Variants in FTO observed in about 807,000 individuals in gnomAD.
FTO encodes FTO alpha-ketoglutarate dependent dioxygenase.
FTO carries 47 observed loss-of-function variants against 63.9 expected under a neutral mutation model. The ratio of observed to expected loss-of-function variants is 0.74; its 90% CI spans 0.58 to 0.94. The LOEUF (loss-of-function observed/expected upper bound fraction) is 0.94, where lower values mean the gene tolerates loss of function less well. Ranked by LOEUF, FTO falls within the 40% of genes least tolerant of loss-of-function variation. The pLI, the probability that FTO is intolerant of heterozygous loss-of-function variation, is 0.00. For synonymous variants in FTO, 207 were observed against 224.4 expected (o/e 0.92, Z 0.69); for missense variants, 562 against 618.1 (o/e 0.91, Z 0.96).
chr16:54,090,945 C>G (rs1168372696), intron 8 of FTO, among the ~76,000 whole-genome samples: 2 of 152,200 alleles, frequency 1.3e-5, no homozygotes, highest in Non-Finnish European at 2.9e-5. Flanking sequence ...GTGGGCTCTC[C>G]AGCAGGGCAG....
intron 8 of FTO, among the ~76,000 whole-genome samples, chr16:54,007,536 T>G (rs1479948057): frequency 1.3e-5 from 2 of 152,216 alleles, no homozygotes; most frequent in Non-Finnish European, 2.9e-5. Context: ...TATAAAGGTA[T>G]GTAAAATTAT....
At position 54,116,477 on chromosome 16, in the gene FTO, A is replaced by G. The variant is rs1478377937; in HGVS notation, c.*4562A>G. ...TTTGCCTTTGTTACTCTGTGATTAAATGGTATTTTTAATTAAGTTTCATTG... is the reference window on the plus strand; with the variant it reads ...TTTGCCTTTGTTACTCTGTGATTAAGTGGTATTTTTAATTAAGTTTCATTG... On this transcript the variant is annotated 3_prime_UTR_variant, in exon 9 of 9. Transcript: ENST00000471389. The G allele has an allele frequency of 2.0e-5, 3 of 152,154 alleles. No individual in the cohort carries two copies. The highest frequency in any genetic ancestry group is 7.2e-5 in the African/African-American group (3 of 41,452). 9.4% of individuals were successfully genotyped at this position (152,154 alleles called of 1,614,324 possible).
At chr16:53,730,472 T>G (rs1403949554) in intron 1 of FTO, among the ~76,000 whole-genome samples, 1 of 152,068 alleles carries the variant, frequency 6.6e-6, no homozygotes. Context: ...TGTCATGATT[T>G]TTTTTGTAGT....
chr16:53,805,226 A>G (rs1234799203), intron 1 of FTO, among the ~76,000 whole-genome samples: 1 of 152,186 alleles, frequency 6.6e-6, no homozygotes, highest in African/African-American at 2.4e-5. Flanking sequence ...AGTGGGATGA[A>G]AAATACACTT....
intron 8 of FTO, among the ~76,000 whole-genome samples, chr16:53,966,024 C>T (rs1161729698): frequency 1.3e-5 from 2 of 152,180 alleles, no homozygotes; most frequent in Non-Finnish European, 2.9e-5. Context: ...TACGCCACCA[C>T]GCCTAACTAA....
chr16:54,052,369 A>G (rs531968949), intron 8 of FTO, among the ~76,000 whole-genome samples: 2 of 152,290 alleles, frequency 1.3e-5, no homozygotes, highest in South Asian at 4.1e-4. Context: ...TTAAATTTGT[A>G]TGGTTTTCTT....
chr16:54,009,332 C>A (rs1463053272), intron 8 of FTO, among the ~76,000 whole-genome samples: 1 of 152,114 alleles, frequency 6.6e-6, no homozygotes, highest in Non-Finnish European at 1.5e-5. Context: ...AACTTCTCTG[C>A]AAGTTTAAAA....
At chr16:54,031,314 G>C (rs1160562479) in intron 8 of FTO, among the ~76,000 whole-genome samples, 1 of 152,200 alleles carries the variant, frequency 6.6e-6, no homozygotes, top group Non-Finnish European at 1.5e-5. Flanking sequence ...CACTGAAACA[G>C]TGGTGTTGCG....
chr16:53,875,657 C>T (rs1254777379), intron 5 of FTO, among the ~76,000 whole-genome samples: 1 of 152,214 alleles, frequency 6.6e-6, no homozygotes, highest in Non-Finnish European at 1.5e-5. Flanking sequence ...AAATCATCAG[C>T]AAGTTTTGAT....
chr16:54,112,104 A>G lies in FTO; in HGVS notation c.*189A>G. 1.6e-6 allele frequency: 1 copy of G among 640,292 alleles called. No homozygotes were observed. Among genetic ancestry groups the G allele is most frequent in the Non-Finnish European group, 2.7e-6 (1 of 366,736 alleles). 39.7% of individuals were successfully genotyped at this position (640,292 alleles called of 1,614,324 possible). A position where few individuals can be genotyped will look rare whatever the true frequency, so the allele number is the denominator to read the frequency against. ...ATGTTTTAAAATGACCCTGTGTTAT[A>G]GTCTGATTTGGTGTTAAACAGGACC... On this transcript the variant is annotated 3_prime_UTR_variant, in exon 9 of 9. Coordinates refer to ENST00000471389, the MANE Select transcript of FTO (RefSeq NM_001080432.3).
At chr16:53,859,642 T>C (rs2080113446) in intron 4 of FTO, among the ~76,000 whole-genome samples, 1 of 151,844 alleles carries the variant, frequency 6.6e-6, no homozygotes, top group Non-Finnish European at 1.5e-5. Context: ...TGAATAGACA[T>C]TTCTGAAAAG....
At chr16:53,735,777 A>G (rs756724259) in intron 1 of FTO, among the ~76,000 whole-genome samples, 2 of 152,180 alleles carry the variant, frequency 1.3e-5, no homozygotes, top group Non-Finnish European at 2.9e-5. Flanking sequence ...TATCTTTGAA[A>G]TACTCTACCA....
intron 8 of FTO, among the ~76,000 whole-genome samples, chr16:54,095,440 C>T (rs75537751): frequency 6.8e-6 from 1 of 146,984 alleles, no homozygotes; most frequent in African/African-American, 2.5e-5. Flanking sequence ...TCTATTCACT[C>T]TTTTTTTTTT....
At chr16:53,983,605 AACAC>A (rs61573789) in intron 8 of FTO, among the ~76,000 whole-genome samples, 3 of 150,704 alleles carry the variant, frequency 2.0e-5, no homozygotes, top group Non-Finnish European at 4.4e-5. Flanking sequence ...CGAATTCACA[AACAC>A]ACACACACAC....
intron 8 of FTO, among the ~76,000 whole-genome samples, chr16:53,951,100 A>G (rs1250879885): frequency 1.3e-5 from 2 of 152,208 alleles, no homozygotes; most frequent in African/African-American, 4.8e-5. Flanking sequence ...ATCTTTTCTT[A>G]TACCAAATGT....
intron 8 of FTO, chr16:54,040,137 T>C (rs1409686566): frequency 6.6e-6 from 1 of 152,248 alleles, no homozygotes; most frequent in African/African-American, 2.4e-5. Context: ...AAAAATTGAA[T>C]TTAAAATAAT....
intron 8 of FTO, among the ~76,000 whole-genome samples, chr16:53,958,615 T>A (rs1019512603): frequency 6.6e-6 from 1 of 152,172 alleles, no homozygotes; most frequent in African/African-American, 2.4e-5. Context: ...GTTACCAGGC[T>A]TAGGGGGTGT....
intron 8 of FTO, among the ~76,000 whole-genome samples, chr16:54,067,209 T>G (rs375459212): frequency 9.9e-4 from 151 of 152,288 alleles, no homozygotes; most frequent in African/African-American, 3.5e-3. Context: ...TCTGGTTAAT[T>G]TATTTCAAAC....
chr16:53,773,876 C>T (rs1340883655), intron 1 of FTO, among the ~76,000 whole-genome samples: 1 of 152,112 alleles, frequency 6.6e-6, no homozygotes, highest in Non-Finnish European at 1.5e-5. Flanking sequence ...AATTGGACGA[C>T]ACTTGTTACT....
Sources: allele counts gnomAD v4.1 joint callset (sites outside exome capture counted in the v4.1 genomes callset), GRCh38; gene constraint gnomAD v4.1.1; transcripts MANE v1.5; gene names NCBI Gene and HGNC (gene_info 2026-07-23, HGNC 2026-07-21).